Variants in PDE5A observed in about 807,000 individuals in gnomAD.
PDE5A encodes phosphodiesterase 5A.
Under a neutral mutation model 110.2 loss-of-function variants are expected in PDE5A, and 67 were observed. The ratio of observed to expected loss-of-function variants is 0.61; its 90% CI spans 0.50 to 0.75. PDE5A has a LOEUF of 0.75. Ranked by LOEUF, PDE5A falls within the 30% of genes least tolerant of loss-of-function variation. PDE5A has a pLI of 0.00. For missense variants in PDE5A, 862 were observed against 1,045.1 expected (o/e 0.82, Z 2.42); for synonymous variants, 328 against 351.2 (o/e 0.93, Z 0.74).
intron 9 of PDE5A, among the ~76,000 whole-genome samples, chr4:119,546,482 C>G (rs962533040): frequency 3.3e-5 from 5 of 152,136 alleles, no homozygotes; most frequent in African/African-American, 9.6e-5. Context: ...CTTTTAGCAC[C>G]TATACCATAT....
chr4:119,509,633 T>C (rs536619122), intron 15 of PDE5A, among the ~76,000 whole-genome samples: 7 of 152,194 alleles, frequency 4.6e-5, no homozygotes, highest in African/African-American at 1.4e-4. Context: ...AGAACGTCTA[T>C]AGTATACTGA....
At chr4:119,582,195 A>G (rs984026987) in intron 3 of PDE5A, among the ~76,000 whole-genome samples, 1 of 152,228 alleles carries the variant, frequency 6.6e-6, no homozygotes, top group Non-Finnish European at 1.5e-5. Context: ...TTTATCAACT[A>G]AGTTTATGTA....
intron 16 of PDE5A, among the ~76,000 whole-genome samples, chr4:119,507,312 T>C (rs1403139131): frequency 6.6e-6 from 1 of 151,880 alleles, no homozygotes; most frequent in Admixed American, 6.6e-5. Flanking sequence ...CTATATAATC[T>C]TTGGACAACA....
chr4:119,618,505 C>T (rs1426983344), intron 1 of PDE5A, among the ~76,000 whole-genome samples: 1 of 151,844 alleles, frequency 6.6e-6, no homozygotes, highest in Non-Finnish European at 1.5e-5. Flanking sequence ...AGACTAATAT[C>T]TACACTTACA....
At chr4:119,589,941 C>T (rs1035075701) in intron 3 of PDE5A, among the ~76,000 whole-genome samples, 1 of 152,158 alleles carries the variant, frequency 6.6e-6, no homozygotes, top group Non-Finnish European at 1.5e-5. Context: ...ACCTTCCACT[C>T]CAACAAAATC....
chr4:119,627,266 T>C lies in PDE5A; in HGVS notation c.152+1254A>G. The C allele has an allele frequency of 6.4e-7, 1 of 1,572,472 alleles. No homozygotes were observed. The highest frequency in any genetic ancestry group is 8.6e-7 in the Non-Finnish European group (1 of 1,157,490). Reference sequence around the variant, plus strand: ...AACAACGCGCGCAGGTGAGGTGAGGTGAGGTCGGCGACTCAGAACCAGCTC... The same window carrying C: ...AACAACGCGCGCAGGTGAGGTGAGGCGAGGTCGGCGACTCAGAACCAGCTC... On this transcript the variant is annotated intron_variant, in intron 1 of 20. Transcript: ENST00000354960. This position sits in a 1 kb window ranked among gnomAD's most constrained non-coding sequence, Gnocchi z 4.6.
chr4:119,529,056 C>T (rs1204958918), intron 11 of PDE5A, among the ~76,000 whole-genome samples: 1 of 152,020 alleles, frequency 6.6e-6, no homozygotes, highest in Admixed American at 6.6e-5. Flanking sequence ...TATGTGGTAG[C>T]CTCTCTTCTT....
chr4:119,553,503 C>T, intron 8 of PDE5A, 135 bp downstream of exon 8: 1 of 656,504 alleles, frequency 1.5e-6, no homozygotes, highest in Non-Finnish European at 2.7e-6. Context: ...ATTCTCCTTC[C>T]TCAGATGAGG....
At chr4:119,513,849 A>G (rs1050352359) in intron 14 of PDE5A, among the ~76,000 whole-genome samples, 7 of 152,220 alleles carry the variant, frequency 4.6e-5, no homozygotes, top group African/African-American at 1.4e-4. Flanking sequence ...ACTGTTTCAC[A>G]TTAGAGAAAA....
chr4:119,628,382 A>G, intron 1 of PDE5A, 138 bp downstream of exon 1: 1 of 589,138 alleles, frequency 1.7e-6, no homozygotes, highest in Admixed American at 3.4e-5. Context: ...GTGCTCGCTT[A>G]GAGTTGAGGT....
At chr4:119,534,376 T>C (rs1010708559) in intron 11 of PDE5A, among the ~76,000 whole-genome samples, 1 of 152,078 alleles carries the variant, frequency 6.6e-6, no homozygotes, top group Non-Finnish European at 1.5e-5. Context: ...TAGATTCTCA[T>C]AGGAGCATGA....
intron 3 of PDE5A, among the ~76,000 whole-genome samples, chr4:119,589,826 G>T (rs1282308744): frequency 6.6e-6 from 1 of 152,090 alleles, no homozygotes; most frequent in Admixed American, 6.5e-5. Context: ...TGTCTGCAGA[G>T]CGGTTTAAAC....
rs185938722 is a variant in PDE5A at position 119,560,488 on chromosome 4, C to G, written c.1132-125G>C. ...TACTTGTAGTATATTTTTACTTATT[C>G]TTGGACAAAATAGACCCAAGTACTC... is the stretch of plus-strand genomic sequence containing the variant. On this transcript the variant is annotated intron_variant, in intron 6 of 20. Coordinates refer to ENST00000354960, the MANE Select transcript of PDE5A (RefSeq NM_001083.4). 393 of 489,888 alleles carry G rather than the reference C, an allele frequency of 8.0e-4. 3 individuals carry two copies. The East Asian group carries it at 0.013, about 17-fold the overall frequency. The allele number at this position is 489,888 out of a possible 1,614,324, so 30.3% of individuals were successfully genotyped here. A position where few individuals can be genotyped will look rare whatever the true frequency, so the allele number is the denominator to read the frequency against.
chr4:119,573,726 T>C (rs1728220673), intron 3 of PDE5A, among the ~76,000 whole-genome samples: 1 of 152,206 alleles, frequency 6.6e-6, no homozygotes, highest in Non-Finnish European at 1.5e-5. Flanking sequence ...GCTTTTAGTT[T>C]ACTCTCACAG....
At chr4:119,504,482 G>C in intron 18 of PDE5A, 54 bp downstream of exon 18, 2 of 1,383,762 alleles carry the variant, frequency 1.4e-6, no homozygotes, top group Non-Finnish European at 2.0e-6. Flanking sequence ...GGGATTGCTG[G>C]GTAGAATGTT....
At chr4:119,507,759 C>A in intron 15 of PDE5A, 55 bp from the exon 16 acceptor site, 1 of 1,087,352 alleles carries the variant, frequency 9.2e-7, no homozygotes, top group Admixed American at 2.3e-5. Context: ...CTGACAAGAA[C>A]AAAATCTAGA....
At chr4:119,588,417 T>A (rs1728846498) in intron 3 of PDE5A, among the ~76,000 whole-genome samples, 1 of 151,746 alleles carries the variant, frequency 6.6e-6, no homozygotes, top group South Asian at 2.1e-4. Flanking sequence ...CCTCGAGTGA[T>A]CCACCCCCCT....
intron 3 of PDE5A, among the ~76,000 whole-genome samples, chr4:119,574,179 CTTTTTTTTTT>C (rs70944893): frequency 1.1e-5 from 1 of 89,176 alleles, no homozygotes; most frequent in African/African-American, 4.6e-5. Context: ...AAAATATAGG[CTTTTTTTTTT>C]TTTTTTTTTT....
chr4:119,606,764 A>C lies in PDE5A; in HGVS notation c.686T>G (p.Ile229Ser), dbSNP rs1177997727. Residue 229 changes from isoleucine to serine, a missense_variant, in exon 2 of 21, where the codon ATT becomes AGT. Ile to Ser is a moderately radical substitution (Grantham distance 142). Transcript: ENST00000354960. ...NCIRLEWNKG[I>S]VGHVAALGEP... Reference sequence around the variant, plus strand: ...ACCAAGCGCTGCCACATGTCCCACAATGCCTTTGTTCCATTCTAAGCGGAT... The same window carrying C: ...ACCAAGCGCTGCCACATGTCCCACACTGCCTTTGTTCCATTCTAAGCGGAT... 1.9e-6 allele frequency: 3 copies of C among 1,614,162 alleles called. No homozygotes were observed. The highest frequency in any genetic ancestry group is 2.5e-6 in the Non-Finnish European group (3 of 1,180,030).
Sources: allele counts gnomAD v4.1 joint callset (sites outside exome capture counted in the v4.1 genomes callset), GRCh38; gene constraint gnomAD v4.1.1; non-coding constraint Gnocchi (gnomAD v3.1); transcripts MANE v1.5; gene names NCBI Gene and HGNC (gene_info 2026-07-23, HGNC 2026-07-21).